EFCAB5: variants seen among roughly 807,000 people sequenced by gnomAD.
EFCAB5 encodes EF-hand calcium-binding domain-containing protein 5.
EFCAB5 carries 131 observed loss-of-function variants against 167.9 expected under a neutral mutation model. The observed-to-expected ratio is 0.78, with a 90% CI of 0.68 to 0.90. The LOEUF is 0.90. Among genes scored for constraint, EFCAB5 ranks in the 40% least tolerant of loss-of-function variants. EFCAB5 has a pLI of 0.00. For missense variants in EFCAB5, 1,663 were observed against 1,745.2 expected (o/e 0.95, Z 0.84); for synonymous variants, 574 against 602.8 (o/e 0.95, Z 0.70).
chr17:30,056,033 A>C, intron 11 of EFCAB5, 31 bp from the exon 12 acceptor site: 1 of 1,612,986 alleles, frequency 6.2e-7, no homozygotes, highest in Non-Finnish European at 8.5e-7. Flanking sequence ...GCGAAGTTTG[A>C]TTGGCTATGT....
intron 5 of EFCAB5, among the ~76,000 whole-genome samples, chr17:29,994,157 T>TATATATATATATATATATATATATATGTG (rs2151638932): frequency 7.4e-6 from 1 of 134,338 alleles, no homozygotes; most frequent in East Asian, 2.6e-4. Flanking sequence ...TATATATATA[T>TATATATATATATATATATATATATATGTG]ATATATATAT....
intron 14 of EFCAB5, among the ~76,000 whole-genome samples, chr17:30,067,193 C>G (rs1482393086): frequency 6.6e-6 from 1 of 152,328 alleles, no homozygotes; most frequent in East Asian, 1.9e-4. Context: ...TAACACCAGA[C>G]AAGAACACAA....
At chr17:29,957,945 TC>T (rs2067649957) in intron 3 of EFCAB5, among the ~76,000 whole-genome samples, 1 of 152,180 alleles carries the variant, frequency 6.6e-6, no homozygotes, top group Admixed American at 6.5e-5. Context: ...TAATTTACAT[TC>T]CCACCAACAG....
intron 22 of EFCAB5, 117 bp downstream of exon 22, chr17:30,093,053 A>G (rs1420447174): frequency 9.1e-6 from 6 of 656,886 alleles, no homozygotes; most frequent in African/African-American, 1.9e-5. Context: ...GAAAATAGTT[A>G]TAAGTCTTCT....
At chr17:29,937,061 G>A (rs1010424523), upstream of EFCAB5, among the ~76,000 whole-genome samples, 1 of 152,162 alleles carries the variant, frequency 6.6e-6, no homozygotes, top group Non-Finnish European at 1.5e-5. Flanking sequence ...TGGAAGAGGA[G>A]GTGCAAGTGG....
chr17:30,106,544 C>T (rs974322890), intron 22 of EFCAB5, among the ~76,000 whole-genome samples: 2 of 152,112 alleles, frequency 1.3e-5, no homozygotes, highest in African/African-American at 4.8e-5. Context: ...GCAACCTCCA[C>T]CTCCCAGGTC....
intron 7 of EFCAB5, among the ~76,000 whole-genome samples, chr17:30,020,644 T>G (rs919344124): frequency 6.6e-6 from 1 of 152,138 alleles, no homozygotes; most frequent in African/African-American, 2.4e-5. Flanking sequence ...TGTGAGCCAC[T>G]GTGCCTGGCC....
chr17:29,975,189 G>A (rs1329889849), intron 4 of EFCAB5, among the ~76,000 whole-genome samples: 2 of 151,838 alleles, frequency 1.3e-5, no homozygotes, highest in Non-Finnish European at 2.9e-5. Context: ...GTATCTATTA[G>A]GTCTCTTCCA....
chr17:30,087,689 A>G (rs1011889398), intron 19 of EFCAB5, among the ~76,000 whole-genome samples: 1 of 152,068 alleles, frequency 6.6e-6, no homozygotes, highest in Non-Finnish European at 1.5e-5. Flanking sequence ...TATCCATTCT[A>G]TCATTGATGG....
chr17:30,065,729 A>G (rs2070548938), intron 14 of EFCAB5: 1 of 152,208 alleles, frequency 6.6e-6, no homozygotes, highest in African/African-American at 2.4e-5. Context: ...TCGGTTCACC[A>G]GTAAAGACAT....
chr17:29,975,200 G>A (rs2068040241), intron 4 of EFCAB5, among the ~76,000 whole-genome samples: 1 of 151,798 alleles, frequency 6.6e-6, no homozygotes, highest in Non-Finnish European at 1.5e-5. Flanking sequence ...GTCTCTTCCA[G>A]GTCTAAAACA....
At chr17:30,069,662 G>A in intron 14 of EFCAB5, 1 of 1,517,096 alleles carries the variant, frequency 6.6e-7, no homozygotes, top group Non-Finnish European at 9.1e-7. Flanking sequence ...CAGCACGAGA[G>A]TCTGCATGGG....
intron 5 of EFCAB5, among the ~76,000 whole-genome samples, chr17:29,995,083 G>A (rs1204307666): frequency 6.6e-6 from 1 of 152,196 alleles, no homozygotes; most frequent in Non-Finnish European, 1.5e-5. Flanking sequence ...GGAGATGGGT[G>A]TTGCTATTTT....
intron 4 of EFCAB5, among the ~76,000 whole-genome samples, chr17:29,992,224 G>A (rs570252691): frequency 7.2e-5 from 11 of 152,264 alleles, no homozygotes; most frequent in African/African-American, 2.2e-4. Flanking sequence ...GTGAAAACTT[G>A]TGGTATTTGT....
At chr17:29,950,837 T>C (rs537322860) in intron 3 of EFCAB5, among the ~76,000 whole-genome samples, 6 of 152,180 alleles carry the variant, frequency 3.9e-5, no homozygotes, top group Admixed American at 3.9e-4. Flanking sequence ...TTTGGGGGAG[T>C]TGAAAGTTAT....
chr17:29,933,019 A>G (rs1235638673), intron 1 of EFCAB5, among the ~76,000 whole-genome samples: 38 of 152,218 alleles, frequency 2.5e-4, no homozygotes, highest in Admixed American at 2.5e-3. Context: ...TTTATTTACT[A>G]ATAATTGAGA....
At chr17:30,102,928 C>A (rs1268138186) in intron 22 of EFCAB5, among the ~76,000 whole-genome samples, 1 of 152,048 alleles carries the variant, frequency 6.6e-6, no homozygotes, top group Non-Finnish European at 1.5e-5. Context: ...CCCTCTCAGG[C>A]TCAGGTGATT....
At chr17:29,964,822 T>C (rs2067793861) in intron 3 of EFCAB5, among the ~76,000 whole-genome samples, 1 of 152,160 alleles carries the variant, frequency 6.6e-6, no homozygotes, top group South Asian at 2.1e-4. Context: ...ACCTTTATTA[T>C]TTTCTTTCTT....
chr17:30,102,238 AG>A (rs1227815282), intron 22 of EFCAB5, among the ~76,000 whole-genome samples: 2 of 152,196 alleles, frequency 1.3e-5, no homozygotes, highest in Non-Finnish European at 2.9e-5. Context: ...AGAAGCTGAA[AG>A]CAGAGTCATC....
Sources: gnomAD v4.1 joint callset for allele counts (sites outside exome capture counted in the v4.1 genomes callset) on GRCh38, gnomAD v4.1.1 for gene constraint, MANE v1.5 for transcripts, NCBI Gene and HGNC (gene_info 2026-07-23, HGNC 2026-07-21) for gene names.